The following CFAP54 variants were observed in gnomAD, a reference collection of about 807,000 sequenced individuals.
The protein encoded by CFAP54 is cilia- and flagella-associated protein 54.
A neutral mutation model predicts 370.4 loss-of-function variants in CFAP54; 290 were observed. The ratio of observed to expected loss-of-function variants is 0.78; its 90% CI spans 0.71 to 0.86. The LOEUF is 0.86. Ranked by LOEUF, CFAP54 falls within the 40% of genes least tolerant of loss-of-function variation. The pLI, the probability that CFAP54 is intolerant of heterozygous loss-of-function variation, is 0.00. For missense variants in CFAP54, 3,399 were observed against 3,528.7 expected, an observed-to-expected ratio of 0.96 and a Z score of 0.93; for synonymous variants, 1,206 against 1,236.5, an observed-to-expected ratio of 0.98 and a Z score of 0.52.
At chr12:96,770,335 C>T (rs1224544723) in intron 60 of CFAP54, among the ~76,000 whole-genome samples, 1 of 152,084 alleles carries the variant, frequency 6.6e-6, no homozygotes, top group Non-Finnish European at 1.5e-5. Context: ...AAACTCCACT[C>T]AGAGATTCAT....
At chr12:96,597,430 C>G (rs1956191787) in intron 25 of CFAP54, among the ~76,000 whole-genome samples, 2 of 151,796 alleles carry the variant, frequency 1.3e-5, no homozygotes, top group African/African-American at 4.8e-5. Context: ...GATTGCTAAT[C>G]ATAGTTGGCA....
At chr12:96,642,794 C>T (rs1956746691) in intron 32 of CFAP54, among the ~76,000 whole-genome samples, 1 of 152,214 alleles carries the variant, frequency 6.6e-6, no homozygotes, top group Non-Finnish European at 1.5e-5. Flanking sequence ...GTCTCTGTCT[C>T]TTGGGTGTCC....
chr12:96,695,285 A>C (rs1459139456), intron 45 of CFAP54, among the ~76,000 whole-genome samples: 1 of 152,088 alleles, frequency 6.6e-6, no homozygotes, highest in Non-Finnish European at 1.5e-5. Flanking sequence ...AATTTATCCC[A>C]TTTTCTAATA....
intron 26 of CFAP54, among the ~76,000 whole-genome samples, chr12:96,603,020 G>T (rs1402234257): frequency 2.6e-5 from 4 of 152,114 alleles, no homozygotes; most frequent in Non-Finnish European, 5.9e-5. Flanking sequence ...TGTTTATTTT[G>T]CCCGTTAATT....
At chr12:96,872,625 T>A (rs1960199451) in intron 67 of CFAP54, among the ~76,000 whole-genome samples, 1 of 152,242 alleles carries the variant, frequency 6.6e-6, no homozygotes, top group African/African-American at 2.4e-5. Flanking sequence ...TTCCATTTAA[T>A]GATGAGACAT....
Position 96,647,737 on chromosome 12 carries a change from A to C in CFAP54, c.4548-138A>C, listed in dbSNP as rs1242901603. Reference sequence around the variant, plus strand: ...GTTAGTGAAAAAATGTTGGGCTTTGATTAAGTGACAAAACCCTTCATGATT... The same window carrying C: ...GTTAGTGAAAAAATGTTGGGCTTTGCTTAAGTGACAAAACCCTTCATGATT... On this transcript the variant is annotated intron_variant, in intron 33 of 67. Coordinates refer to ENST00000524981, the MANE Select transcript of CFAP54 (RefSeq NM_001306084.2). 7.2e-6 allele frequency: 5 copies of C among 697,552 alleles called. No individual in the cohort carries two copies. In the African/African-American group the frequency reaches 9.5e-5, roughly 13 times the overall value. The allele number at this position is 697,552 out of a possible 1,614,324, so 43.2% of individuals were successfully genotyped here.
intron 60 of CFAP54, among the ~76,000 whole-genome samples, chr12:96,768,176 C>T (rs1285348150): frequency 6.6e-6 from 1 of 152,012 alleles, no homozygotes; most frequent in African/African-American, 2.4e-5. Context: ...CAAAAATTAG[C>T]CGGGTGTGCT....
At chr12:96,519,427 C>T (rs1428932250) in intron 6 of CFAP54, among the ~76,000 whole-genome samples, 1 of 152,066 alleles carries the variant, frequency 6.6e-6, no homozygotes, top group African/African-American at 2.4e-5. Context: ...GCGTATCCAG[C>T]ATTTTCTTCC....
At chr12:96,617,782 A>T (rs915732214) in intron 26 of CFAP54, among the ~76,000 whole-genome samples, 10 of 152,188 alleles carry the variant, frequency 6.6e-5, no homozygotes, top group African/African-American at 2.2e-4. Flanking sequence ...CGAGGTCAGG[A>T]GATCAAGACC....
At chr12:96,836,407 C>T (rs1196249209) in intron 66 of CFAP54, among the ~76,000 whole-genome samples, 1 of 152,120 alleles carries the variant, frequency 6.6e-6, no homozygotes, top group African/African-American at 2.4e-5. Flanking sequence ...TTTAACTACA[C>T]TTAGCTTTCT....
intron 14 of CFAP54, among the ~76,000 whole-genome samples, chr12:96,541,322 G>A (rs1164992204): frequency 1.8e-5 from 2 of 114,066 alleles, no homozygotes; most frequent in Non-Finnish European, 3.4e-5. Context: ...GTTTTGCTCT[G>A]TTGCCCAGGC....
rs140816236 is a variant in CFAP54 at position 96,765,094 on chromosome 12, G to A, written c.8157G>A (p.Leu2719=). 4.3e-3 allele frequency: 6,331 copies of A among 1,481,014 alleles called. 18 individuals are homozygous for A. The highest frequency in any genetic ancestry group is 5.3e-3 in the Non-Finnish European group (5,818 of 1,094,864). The allele number at this position is 1,481,014 out of a possible 1,614,324, so 91.7% of individuals were successfully genotyped here. A position where few individuals can be genotyped will look rare whatever the true frequency, so the allele number is the denominator to read the frequency against. ...AATTGTAGGTCAGTGAAGCTGTGCTGGCAATTAACTTACTTATTGGAAAGA... is the reference window on the plus strand; with the variant it reads ...AATTGTAGGTCAGTGAAGCTGTGCTAGCAATTAACTTACTTATTGGAAAGA... ...RAAAQVSEAV[L]AINLLIGKKN... Residue 2719 remains leucine, a synonymous_variant, in exon 60 of 68, where the codon CTG becomes CTA. Coordinates refer to ENST00000524981, the MANE Select transcript of CFAP54 (RefSeq NM_001306084.2).
chr12:96,848,628 G>T (rs980430564), intron 66 of CFAP54, among the ~76,000 whole-genome samples: 4 of 152,170 alleles, frequency 2.6e-5, no homozygotes, highest in Non-Finnish European at 4.4e-5. Flanking sequence ...AACCTGGGAG[G>T]TGGAGGTTGC....
chr12:96,841,957 G>A (rs891635616), intron 66 of CFAP54, among the ~76,000 whole-genome samples: 2 of 152,194 alleles, frequency 1.3e-5, no homozygotes, highest in African/African-American at 4.8e-5. Context: ...AACACATTTA[G>A]TATAGTGCCA....
At position 96,793,325 on chromosome 12, in the gene CFAP54, A is replaced by G. The variant is rs146190066; in HGVS notation, c.8850+826A>G. Among the ~76,000 whole-genome samples, 529 of 152,320 alleles carry G rather than the reference A, an allele frequency of 3.5e-3. 3 individuals are homozygous for G. The highest frequency in any genetic ancestry group is 0.01 in the Middle Eastern group (3 of 294). ...TTCCTGAGTTACTTCACTTAGAATA[A>G]TAGTCTCCAATTCCATCCAGGTTGC... On this transcript the variant is annotated intron_variant, in intron 63 of 67. Transcript: ENST00000524981.
chr12:96,767,589 G>A (rs766499279), intron 60 of CFAP54, among the ~76,000 whole-genome samples: 1 of 151,936 alleles, frequency 6.6e-6, no homozygotes, highest in Non-Finnish European at 1.5e-5. Flanking sequence ...TTGCCTTCCA[G>A]TCCTTTCCTG....
chr12:96,684,184 C>G (rs930457811), intron 40 of CFAP54, among the ~76,000 whole-genome samples: 1 of 152,140 alleles, frequency 6.6e-6, no homozygotes, highest in Non-Finnish European at 1.5e-5. Flanking sequence ...AAAAACAAAC[C>G]CTTTGAGCCT....
intron 39 of CFAP54, among the ~76,000 whole-genome samples, chr12:96,677,353 T>G (rs1052585243): frequency 2.6e-5 from 4 of 152,228 alleles, no homozygotes; most frequent in Non-Finnish European, 5.9e-5. Flanking sequence ...CAGTCTATGG[T>G]AATTTCTCAT....
At chr12:96,519,290 G>A (rs534334157) in intron 6 of CFAP54, among the ~76,000 whole-genome samples, 1 of 152,180 alleles carries the variant, frequency 6.6e-6, no homozygotes, top group South Asian at 2.1e-4. Flanking sequence ...GTAGAGACAG[G>A]GTTTTGCCAT....
Sources: gnomAD v4.1 joint callset for allele counts (sites outside exome capture counted in the v4.1 genomes callset) on GRCh38, gnomAD v4.1.1 for gene constraint, MANE v1.5 for transcripts, NCBI Gene and HGNC (gene_info 2026-07-23, HGNC 2026-07-21) for gene names.